The following AGBL1 variants were observed in gnomAD, a reference collection of about 807,000 sequenced individuals.
The protein encoded by AGBL1 is AGBL carboxypeptidase 1.
A neutral mutation model predicts 118.9 loss-of-function variants in AGBL1; 130 were observed. That is an observed-to-expected ratio of 1.09 (90% CI 0.95 to 1.26). The LOEUF (loss-of-function observed/expected upper bound fraction) is 1.26, where lower values mean the gene tolerates loss of function less well. Ranked by LOEUF, AGBL1 falls within the 50% of genes most tolerant of loss-of-function variation. The pLI is 0.00. For synonymous variants in AGBL1, 555 were observed against 478.9 expected (o/e 1.16, Z -2.08); for missense variants, 1,584 against 1,298.1 (o/e 1.22, Z -3.38).
intron 22 of AGBL1, among the ~76,000 whole-genome samples, chr15:86,710,782 G>A (rs973768424): frequency 6.6e-6 from 1 of 152,128 alleles, no homozygotes; most frequent in Non-Finnish European, 1.5e-5. Flanking sequence ...TCTTTGGAAT[G>A]GCTGGAAAAG....
chr15:86,281,164 G>C (rs1227225829), intron 16 of AGBL1, among the ~76,000 whole-genome samples: 1 of 152,130 alleles, frequency 6.6e-6, no homozygotes, highest in African/African-American at 2.4e-5. Flanking sequence ...TGAGAGGATT[G>C]CTTGAGCCCA....
At chr15:86,201,150 A>T (rs1012706648) in intron 5 of AGBL1, among the ~76,000 whole-genome samples, 1 of 152,180 alleles carries the variant, frequency 6.6e-6, no homozygotes, top group Non-Finnish European at 1.5e-5. Flanking sequence ...CTTGGTTAAT[A>T]TAATTTTAAT....
At chr15:86,184,164 G>A (rs554697191) in intron 5 of AGBL1, among the ~76,000 whole-genome samples, 3 of 152,290 alleles carry the variant, frequency 2.0e-5, no homozygotes, top group East Asian at 3.9e-4. Flanking sequence ...TCTCTCCATT[G>A]TTGGGAGAAC....
intron 21 of AGBL1, among the ~76,000 whole-genome samples, chr15:86,634,359 A>G (rs1188955133): frequency 1.3e-5 from 2 of 152,184 alleles, no homozygotes; most frequent in African/African-American, 2.4e-5. Context: ...TGGTATTTCC[A>G]TAGGGTGGAT....
At chr15:86,728,962 G>T (rs187807943) in intron 22 of AGBL1, among the ~76,000 whole-genome samples, 1 of 152,180 alleles carries the variant, frequency 6.6e-6, no homozygotes. Flanking sequence ...TATCTACAGA[G>T]TTCAGTACAT....
intron 21 of AGBL1, among the ~76,000 whole-genome samples, chr15:86,581,595 T>A (rs1331082301): frequency 6.6e-6 from 1 of 152,164 alleles, no homozygotes; most frequent in African/African-American, 2.4e-5. Context: ...ACTGCCAGTT[T>A]CCATAACAAA....
chr15:86,207,740 C>T (rs1442939790), intron 5 of AGBL1, among the ~76,000 whole-genome samples: 1 of 152,134 alleles, frequency 6.6e-6, no homozygotes, highest in Non-Finnish European at 1.5e-5. Context: ...TCTAAATATA[C>T]AATTGTGTCA....
chr15:86,421,829 C>T (rs1462988719), intron 18 of AGBL1, among the ~76,000 whole-genome samples: 2 of 152,050 alleles, frequency 1.3e-5, no homozygotes, highest in African/African-American at 2.4e-5. Flanking sequence ...GACTTTAAAC[C>T]AACAAAGATT....
chr15:86,923,281 T>C (rs186775035), intron 23 of AGBL1, among the ~76,000 whole-genome samples: 134 of 152,340 alleles, frequency 8.8e-4, no homozygotes, highest in African/African-American at 2.7e-3. Flanking sequence ...GTCCATATGA[T>C]GTATCAGCTT....
At chr15:86,212,848 C>T (rs1350186901) in intron 5 of AGBL1, among the ~76,000 whole-genome samples, 1 of 152,176 alleles carries the variant, frequency 6.6e-6, no homozygotes, top group Non-Finnish European at 1.5e-5. Flanking sequence ...CAGGATTTCA[C>T]CATGTTGGCC....
intron 17 of AGBL1, among the ~76,000 whole-genome samples, chr15:86,384,912 A>C (rs1001085412): frequency 3.3e-5 from 5 of 152,144 alleles, no homozygotes; most frequent in African/African-American, 1.2e-4. Flanking sequence ...AAAAAACCTT[A>C]TTCTGTTATT....
chr15:86,697,310 CTT>C (rs1029783993), intron 22 of AGBL1, among the ~76,000 whole-genome samples: 1 of 151,654 alleles, frequency 6.6e-6, no homozygotes, highest in African/African-American at 2.4e-5. Context: ...TTTTTAAAGT[CTT>C]TGTTGGATTG....
At chr15:86,685,102 C>G (rs1157073977) in intron 22 of AGBL1, among the ~76,000 whole-genome samples, 1 of 152,142 alleles carries the variant, frequency 6.6e-6, no homozygotes, top group African/African-American at 2.4e-5. Flanking sequence ...AAACCAACAT[C>G]TAGCATCCAA....
intron 21 of AGBL1, among the ~76,000 whole-genome samples, chr15:86,599,609 T>C (rs764218541): frequency 9.9e-5 from 15 of 152,160 alleles, no homozygotes; most frequent in Non-Finnish European, 1.6e-4. Context: ...TGGTGTTTCT[T>C]TGGGTAAGTG....
chr15:86,367,901 A>T (rs903815002), intron 17 of AGBL1, among the ~76,000 whole-genome samples: 1 of 152,170 alleles, frequency 6.6e-6, no homozygotes, highest in Non-Finnish European at 1.5e-5. Context: ...GCTGGGCTCT[A>T]AGACTAGAAG....
intron 18 of AGBL1, among the ~76,000 whole-genome samples, chr15:86,419,064 C>T (rs2081745923): frequency 6.6e-6 from 1 of 152,064 alleles, no homozygotes; most frequent in Admixed American, 6.6e-5. Context: ...GTGTGATATG[C>T]TATCAAAGAT....
At chr15:86,092,039 C>G (rs758936019) in intron 1 of AGBL1, among the ~76,000 whole-genome samples, 7 of 152,170 alleles carry the variant, frequency 4.6e-5, no homozygotes, top group Non-Finnish European at 7.4e-5. Context: ...CTATGATTTA[C>G]TTGCTTATAA....
At chr15:86,732,043 G>A (rs1013264908) in intron 22 of AGBL1, among the ~76,000 whole-genome samples, 1 of 152,192 alleles carries the variant, frequency 6.6e-6, no homozygotes, top group African/African-American at 2.4e-5. Flanking sequence ...AGTCTTATGA[G>A]GCAGATGTTA....
rs1344880996 is a variant in AGBL1 at position 86,615,126 on chromosome 15, G to A, written c.2995-59147G>A. The stretch of plus-strand genomic sequence containing the variant: ...AGTGACACATTAAGCAGCATGTTGA[G>A]GGTGATGGAGAGTCACTGAAGAAAT... On this transcript the variant is annotated intron_variant, in intron 21 of 22. Transcript: ENST00000614907. This position sits in a 1 kb window ranked among gnomAD's most constrained non-coding sequence, Gnocchi z 4.3. Among the ~76,000 whole-genome samples the A allele has an allele frequency of 6.6e-6, 1 of 152,206 alleles. No homozygotes were observed. The highest frequency in any genetic ancestry group is 1.5e-5 in the Non-Finnish European group (1 of 68,042).
Sources: allele counts gnomAD v4.1 joint callset (sites outside exome capture counted in the v4.1 genomes callset), GRCh38; gene constraint gnomAD v4.1.1; non-coding constraint Gnocchi (gnomAD v3.1); transcripts MANE v1.5; gene names NCBI Gene and HGNC (gene_info 2026-07-23, HGNC 2026-07-21).